Variants in ROBO1 observed in about 807,000 individuals in gnomAD.
ROBO1 encodes roundabout guidance receptor 1, also known as roundabout homolog 1.
Under a neutral mutation model 195.9 loss-of-function variants are expected in ROBO1, and 149 were observed. The observed-to-expected ratio is 0.76, with a 90% CI of 0.67 to 0.87. ROBO1 has a LOEUF of 0.87. Among genes scored for constraint, ROBO1 ranks in the 40% least tolerant of loss-of-function variants. The probability of loss-of-function intolerance (pLI) is 0.00; values close to 1 mark genes in which losing one functional copy is unlikely to be tolerated. For synonymous variants in ROBO1, 816 were observed against 733.2 expected, an observed-to-expected ratio of 1.11 and a Z score of -1.82; for missense variants, 1,933 against 2,068.3, an observed-to-expected ratio of 0.93 and a Z score of 1.27.
chr3:79,149,512 GT>G (rs956606037), intron 2 of ROBO1, among the ~76,000 whole-genome samples: 3 of 125,980 alleles, frequency 2.4e-5, no homozygotes, highest in Non-Finnish European at 5.4e-5. Flanking sequence ...TTCGAACTGT[GT>G]TTGTTGTTGT....
intron 28 of ROBO1, among the ~76,000 whole-genome samples, chr3:78,610,882 A>G (rs1379863246): frequency 2.6e-5 from 4 of 152,204 alleles, no homozygotes; most frequent in African/African-American, 4.8e-5. Flanking sequence ...ATTACAAAAT[A>G]TCACCAAGCA....
chr3:79,030,577 G>C (rs969717181), intron 3 of ROBO1, among the ~76,000 whole-genome samples: 1 of 152,140 alleles, frequency 6.6e-6, no homozygotes, highest in Non-Finnish European at 1.5e-5. Context: ...GGAGAGTACT[G>C]TAAATATTTA....
At chr3:79,165,017 T>C (rs568359920) in intron 2 of ROBO1, among the ~76,000 whole-genome samples, 1 of 152,330 alleles carries the variant, frequency 6.6e-6, no homozygotes, top group South Asian at 2.1e-4. Flanking sequence ...ACATTTTAAC[T>C]TGCTTTAAAA....
At chr3:79,550,339 G>A (rs1441885522) in intron 2 of ROBO1, among the ~76,000 whole-genome samples, 1 of 152,048 alleles carries the variant, frequency 6.6e-6, no homozygotes, top group Admixed American at 6.6e-5. Flanking sequence ...CCTTTCTAAT[G>A]GCAATCTAAC....
intron 3 of ROBO1, among the ~76,000 whole-genome samples, chr3:79,021,511 C>T (rs1287618527): frequency 6.6e-6 from 1 of 152,098 alleles, no homozygotes; most frequent in Non-Finnish European, 1.5e-5. Flanking sequence ...AATGGATCTC[C>T]TGGTCTCTGG....
intron 4 of ROBO1, among the ~76,000 whole-genome samples, chr3:78,847,006 G>C (rs1000247267): frequency 2.4e-4 from 36 of 152,186 alleles, no homozygotes; most frequent in African/African-American, 8.4e-4. Context: ...TTAGTACAAT[G>C]ATGGAGAAGG....
chr3:79,428,193 TA>T (rs2038528052), intron 2 of ROBO1, among the ~76,000 whole-genome samples: 2 of 151,980 alleles, frequency 1.3e-5, no homozygotes, highest in African/African-American at 4.8e-5. Context: ...AACAGGTATA[TA>T]AAAAGGTGTC....
chr3:79,543,724 C>A lies in ROBO1; in HGVS notation c.88+46100G>T, dbSNP rs548374981. Among the ~76,000 whole-genome samples the A allele has an allele frequency of 2.6e-5, 4 of 152,168 alleles. No homozygotes were observed. The South Asian group carries it at 8.3e-4, about 32-fold the overall frequency. ...TGTATTCAGATCTCACTTGTGAAAT[C>A]CTTCACTCTAAACAACTTACAATTC... On this transcript the variant is annotated intron_variant, in intron 2 of 30. Coordinates refer to ENST00000464233, the MANE Select transcript of ROBO1 (RefSeq NM_002941.4).
At chr3:79,648,124 C>T (rs993630302) in intron 1 of ROBO1, among the ~76,000 whole-genome samples, 7 of 152,062 alleles carry the variant, frequency 4.6e-5, no homozygotes, top group Non-Finnish European at 7.4e-5. Flanking sequence ...GATACCCATA[C>T]ATTATAAGGT....
intron 3 of ROBO1, among the ~76,000 whole-genome samples, chr3:78,940,192 A>G (rs979072942): frequency 6.6e-6 from 1 of 151,928 alleles, no homozygotes; most frequent in Non-Finnish European, 1.5e-5. Flanking sequence ...TCTGTCCCCT[A>G]GTTCTTTCCA....
Position 79,701,053 on chromosome 3 carries a change from T to TA in ROBO1, c.-51+66698dup, listed in dbSNP as rs1350267142. On this transcript the variant is annotated intron_variant, in intron 1 of 30. Coordinates refer to ENST00000464233, the MANE Select transcript of ROBO1 (RefSeq NM_002941.4). ...CATTCTTCTGCATATGGTAGCCATTTATCCCATCACCATTTATCGAATAGA... is the reference window on the plus strand; with the variant it reads ...CATTCTTCTGCATATGGTAGCCATTTAATCCCATCACCATTTATCGAATAGA... Among the ~76,000 whole-genome samples the TA allele has an allele frequency of 2.4e-4, 37 of 151,916 alleles. 1 individual carries two copies. The highest frequency in any genetic ancestry group is 8.9e-4 in the African/African-American group (37 of 41,426).
chr3:79,428,265 CCTA>C (rs1377644942), intron 2 of ROBO1, among the ~76,000 whole-genome samples: 1 of 151,930 alleles, frequency 6.6e-6, no homozygotes, highest in Non-Finnish European at 1.5e-5. Flanking sequence ...CTTATACACA[CCTA>C]CTATGTACCC....
intron 4 of ROBO1, among the ~76,000 whole-genome samples, chr3:78,885,850 A>T (rs1282306665): frequency 6.7e-6 from 1 of 148,904 alleles, no homozygotes; most frequent in African/African-American, 2.5e-5. Flanking sequence ...TGCCCATTTT[A>T]CAGATGAAGA....
intron 2 of ROBO1, among the ~76,000 whole-genome samples, chr3:79,185,132 A>G (rs2081415090): frequency 6.6e-6 from 1 of 152,168 alleles, no homozygotes; most frequent in Non-Finnish European, 1.5e-5. Context: ...CAACAACACT[A>G]CTAACTGGAC....
intron 3 of ROBO1, among the ~76,000 whole-genome samples, chr3:79,007,281 A>G (rs1432840053): frequency 6.6e-6 from 1 of 152,228 alleles, no homozygotes; most frequent in African/African-American, 2.4e-5. Context: ...GTTAGGTTTT[A>G]GCTTAATATG....
chr3:78,906,667 C>T (rs2037941631), intron 4 of ROBO1, among the ~76,000 whole-genome samples: 1 of 152,078 alleles, frequency 6.6e-6, no homozygotes, highest in Non-Finnish European at 1.5e-5. Context: ...GATGTCAAGA[C>T]AGTTTTGCAC....
At chr3:79,405,041 T>C (rs566550917) in intron 2 of ROBO1, among the ~76,000 whole-genome samples, 1 of 152,254 alleles carries the variant, frequency 6.6e-6, no homozygotes, top group East Asian at 1.9e-4. Context: ...ATTGAAATTA[T>C]GTTTTTAAAA....
intron 8 of ROBO1, among the ~76,000 whole-genome samples, chr3:78,713,945 A>G (rs1047195136): frequency 2.0e-5 from 3 of 152,248 alleles, no homozygotes; most frequent in African/African-American, 7.2e-5. Flanking sequence ...GAAGAGTAAT[A>G]GAATCTTCTT....
At chr3:79,527,513 G>A (rs1362209709) in intron 2 of ROBO1, among the ~76,000 whole-genome samples, 1 of 151,828 alleles carries the variant, frequency 6.6e-6, no homozygotes, top group African/African-American at 2.4e-5. Flanking sequence ...ACAGTGTCAG[G>A]ATCTACAACA....
Sources: gnomAD v4.1 joint callset for allele counts (sites outside exome capture counted in the v4.1 genomes callset) on GRCh38, gnomAD v4.1.1 for gene constraint, MANE v1.5 for transcripts, NCBI Gene and HGNC (gene_info 2026-07-23, HGNC 2026-07-21) for gene names.